Variants in FYB2 observed in about 807,000 individuals in gnomAD.
FYB2 encodes FYN-binding protein 2.
In FYB2, 103 loss-of-function variants were observed where a neutral mutation model predicts 94.1. That is an observed-to-expected ratio of 1.09 (90% CI 0.93 to 1.29). FYB2 has a LOEUF of 1.29. Among genes scored for constraint, FYB2 ranks in the 50% most tolerant of loss-of-function variants. The probability of loss-of-function intolerance (pLI) is 0.00; values close to 1 mark genes in which losing one functional copy is unlikely to be tolerated. For synonymous variants in FYB2, 293 were observed against 287.9 expected, an observed-to-expected ratio of 1.02 and a Z score of -0.18; for missense variants, 896 against 841.5, an observed-to-expected ratio of 1.06 and a Z score of -0.80.
At chr1:56,793,462 A>G (rs1028427554) in intron 1 of FYB2, among the ~76,000 whole-genome samples, 2 of 152,192 alleles carry the variant, frequency 1.3e-5, no homozygotes, top group Non-Finnish European at 2.9e-5. Context: ...TAAAAAATGG[A>G]CAAAGGACAT....
chr1:56,790,845 C>T (rs187223212), intron 2 of FYB2, among the ~76,000 whole-genome samples: 37 of 152,174 alleles, frequency 2.4e-4, no homozygotes, highest in East Asian at 3.9e-4. Context: ...AAGCTGACCT[C>T]GGAAAGTTTT....
the FYB2 span, among the ~76,000 whole-genome samples, chr1:56,825,518 T>C: frequency 6.6e-6 from 1 of 152,164 alleles, no homozygotes; most frequent in Non-Finnish European, 1.5e-5. Context: ...TAGGCCAAGA[T>C]ACACAGCGGG....
chr1:56,800,059 C>T (rs777567378), intron 1 of FYB2, among the ~76,000 whole-genome samples: 1 of 152,198 alleles, frequency 6.6e-6, no homozygotes, highest in South Asian at 2.1e-4. Flanking sequence ...GAAACAATGG[C>T]AACGTCAACA....
chr1:56,719,898 C>T, intron 19 of FYB2, 124 bp downstream of exon 19: 1 of 1,081,766 alleles, frequency 9.2e-7, no homozygotes, highest in Non-Finnish European at 1.3e-6. Flanking sequence ...GAATAGGGCA[C>T]TGCATGTCTA....
At chr1:56,816,978 A>C (rs1216313155) in intron 1 of FYB2, among the ~76,000 whole-genome samples, 2 of 151,468 alleles carry the variant, frequency 1.3e-5, no homozygotes, top group African/African-American at 4.9e-5. Context: ...TGAGCCACCA[A>C]CCTCTCTTGC....
At chr1:56,817,022 C>T (rs1646899028) in intron 1 of FYB2, among the ~76,000 whole-genome samples, 1 of 152,156 alleles carries the variant, frequency 6.6e-6, no homozygotes, top group African/African-American at 2.4e-5. Flanking sequence ...ACCTGGTCAG[C>T]CAGCTTCTGC....
chr1:56,811,008 T>C (rs1464367100), intron 1 of FYB2, among the ~76,000 whole-genome samples: 3 of 152,166 alleles, frequency 2.0e-5, no homozygotes, highest in African/African-American at 7.2e-5. Flanking sequence ...GATATCATCA[T>C]CATCAACAGC....
chr1:56,777,934 C>T (rs1171371263), intron 4 of FYB2, among the ~76,000 whole-genome samples: 3 of 152,072 alleles, frequency 2.0e-5, no homozygotes, highest in Non-Finnish European at 2.9e-5. Context: ...TTAAGACTTT[C>T]CAGAGGCATC....
chr1:56,732,795 A>AC (rs990701330), intron 15 of FYB2, among the ~76,000 whole-genome samples: 35 of 151,286 alleles, frequency 2.3e-4, no homozygotes, highest in East Asian at 3.9e-4. Flanking sequence ...ATAAAACTAG[A>AC]CCCCCCCACC....
intron 4 of FYB2, among the ~76,000 whole-genome samples, chr1:56,770,062 T>C (rs1570084580): frequency 1.3e-5 from 2 of 152,110 alleles, no homozygotes; most frequent in East Asian, 1.9e-4. Context: ...CGAATGCGTA[T>C]ACACCGACAC....
At chr1:56,813,973 G>GA (rs1359186423) in intron 1 of FYB2, among the ~76,000 whole-genome samples, 1 of 152,138 alleles carries the variant, frequency 6.6e-6, no homozygotes, top group Non-Finnish European at 1.5e-5. Flanking sequence ...CTGTGAGCAA[G>GA]AAAAAATCCT....
intron 9 of FYB2, among the ~76,000 whole-genome samples, chr1:56,744,983 G>T (rs780537077): frequency 1.1e-4 from 16 of 152,040 alleles, no homozygotes; most frequent in Middle Eastern, 3.4e-3. Flanking sequence ...CACATTAACT[G>T]GTATCTATTA....
At chr1:56,767,361 C>T (rs1230580217) in intron 5 of FYB2, among the ~76,000 whole-genome samples, 7 of 152,170 alleles carry the variant, frequency 4.6e-5, no homozygotes, top group Non-Finnish European at 1.0e-4. Flanking sequence ...TGGTCAGATC[C>T]ATTAAATAAA....
At chr1:56,775,218 A>T (rs1384819551) in intron 4 of FYB2, among the ~76,000 whole-genome samples, 1 of 152,136 alleles carries the variant, frequency 6.6e-6, no homozygotes, top group East Asian at 1.9e-4. Context: ...TATGACTTCT[A>T]CTACAACAAC....
chr1:56,825,665 GC>G, the FYB2 span, among the ~76,000 whole-genome samples: 1 of 151,966 alleles, frequency 6.6e-6, no homozygotes, highest in East Asian at 1.9e-4. Flanking sequence ...AATAACAAGC[GC>G]CCCCACTTTG....
chr1:56,800,792 T>C (rs543200524), intron 1 of FYB2, among the ~76,000 whole-genome samples: 1 of 152,274 alleles, frequency 6.6e-6, no homozygotes, highest in South Asian at 2.1e-4. Context: ...GCCATGACAC[T>C]GCCTACTGCA....
At chr1:56,777,931 T>A (rs1374474349) in intron 4 of FYB2, among the ~76,000 whole-genome samples, 1 of 152,132 alleles carries the variant, frequency 6.6e-6, no homozygotes, top group Non-Finnish European at 1.5e-5. Flanking sequence ...TGCTTAAGAC[T>A]TTCCAGAGGC....
Position 56,791,940 on chromosome 1 carries a change from T to C in FYB2, c.757+116A>G, listed in dbSNP as rs1646275788. 4 of 1,398,412 alleles carry C rather than the reference T, an allele frequency of 2.9e-6. No individual in the cohort carries two copies. The East Asian group carries it at 7.1e-5, about 25-fold the overall frequency. 86.6% of individuals were successfully genotyped at this position (1,398,412 alleles called of 1,614,324 possible). A position where few individuals can be genotyped will look rare whatever the true frequency, so the allele number is the denominator to read the frequency against. ...TGGGCCTAGAATATCACGTGGAGAG[T>C]CTGGAGCCACATTTCCCAGGTCATA... On this transcript the variant is annotated intron_variant, in intron 2 of 19. Coordinates refer to ENST00000343433, the MANE Select transcript of FYB2 (RefSeq NM_001004303.5).
In FYB2 at chr1:56,765,950, AG is replaced by A. The variant is rs756787021; in HGVS notation, c.1063+1878del. 6.6e-4 allele frequency among the ~76,000 whole-genome samples: 101 copies of A among 152,290 alleles called. 1 individual carries two copies. The highest frequency in any genetic ancestry group is 6.8e-3 in the Middle Eastern group (2 of 294). ...ACTTCACTTGAAATGAGCTACTTGC[AG>A]GGGGGTGGATTCTAGGGGCATCACG... On this transcript the variant is annotated intron_variant, in intron 5 of 19. Coordinates refer to ENST00000343433, the MANE Select transcript of FYB2 (RefSeq NM_001004303.5).
Sources: allele counts gnomAD v4.1 joint callset (sites outside exome capture counted in the v4.1 genomes callset), GRCh38; gene constraint gnomAD v4.1.1; transcripts MANE v1.5; gene names NCBI Gene and HGNC (gene_info 2026-07-23, HGNC 2026-07-21).